Variants in USE1 observed in about 807,000 individuals in gnomAD.
The protein encoded by USE1 is vesicle transport protein USE1.
In USE1, 32 loss-of-function variants were observed where a neutral mutation model predicts 37.6. The observed-to-expected ratio is 0.85, with a 90% CI of 0.64 to 1.14. USE1 has a LOEUF of 1.14. USE1 is among the 50% of genes most tolerant of loss of function. USE1 has a pLI of 0.00. For synonymous variants in USE1, 149 were observed against 137.6 expected (o/e 1.08, Z -0.58); for missense variants, 310 against 332.2 (o/e 0.93, Z 0.52).
rs75601377 is a variant in USE1 at position 17,216,109 on chromosome 19, C to T, written c.231+39C>T. 4.0e-4 allele frequency: 645 copies of T among 1,613,510 alleles called. No homozygotes were observed. In the African/African-American group the frequency reaches 7.3e-3, roughly 18 times the overall value. The stretch of plus-strand genomic sequence containing the variant: ...CCCCTGCCCCCTCAGCCCCCATCAC[C>T]GCTCACTTTGGTCCCCAGGACCTGC... On this transcript the variant is annotated intron_variant, in intron 3 of 7. Coordinates refer to ENST00000263897, the MANE Select transcript of USE1 (RefSeq NM_018467.4).
intron 6 of USE1, 55 bp from the exon 7 acceptor site, chr19:17,219,158 T>A (rs2073309229): frequency 6.4e-7 from 1 of 1,550,440 alleles, no homozygotes; most frequent in Non-Finnish European, 8.7e-7. Flanking sequence ...GTGTTGGTCT[T>A]CTCCCCTTTC....
intron 5 of USE1, 119 bp from the exon 6 acceptor site, chr19:17,218,245 G>T: frequency 7.1e-7 from 1 of 1,410,500 alleles, no homozygotes; most frequent in Non-Finnish European, 9.8e-7. Context: ...AGCCAACGGG[G>T]CAGCAGACAA....
At chr19:17,217,285 C>G (rs1255088822) in intron 4 of USE1, among the ~76,000 whole-genome samples, 168 bp from the exon 5 acceptor site, 1 of 151,792 alleles carries the variant, frequency 6.6e-6, no homozygotes, top group East Asian at 2.0e-4. Flanking sequence ...ACAGGCACCC[C>G]CACCACACCT....
chr19:17,218,083 CA>C (rs1420528227), intron 5 of USE1: 2 of 400,634 alleles, frequency 5.0e-6, no homozygotes, highest in Non-Finnish European at 9.2e-6. Flanking sequence ...GACTCTGTCT[CA>C]AAAATAAGCA....
At position 17,219,679 on chromosome 19, in the gene USE1, AAGACGGAGTCAGAGC is replaced by A; in HGVS notation, c.647_661del (p.Lys216_Arg221delinsSer). The A allele has an allele frequency of 6.2e-7, 1 of 1,611,816 alleles. No homozygotes were observed. Among genetic ancestry groups the A allele is most frequent in the Non-Finnish European group, 8.5e-7 (1 of 1,178,288 alleles). ...GGCGGACCAGAACCTGGAGAAACTG[AAGACGGAGTCAGAGC>A]GTCTGGAGCAGCACACGCAGAAGTC... On this transcript the variant is annotated inframe_deletion, in exon 8 of 8. Transcript: ENST00000263897.
chr19:17,217,349 T>C (rs2073297081), intron 4 of USE1, 104 bp from the exon 5 acceptor site: 1 of 1,275,708 alleles, frequency 7.8e-7, no homozygotes, highest in Non-Finnish European at 1.1e-6. Context: ...TTGGCCAGGC[T>C]GGTCTCGAAC....
At chr19:17,217,624 C>T in intron 5 of USE1, 162 bp downstream of exon 5, 1 of 1,102,116 alleles carries the variant, frequency 9.1e-7, no homozygotes, top group Non-Finnish European at 1.3e-6. Context: ...AGGAAATGGC[C>T]CCGAGAGGAA....
Position 17,216,005 on chromosome 19 carries a change from G to T in USE1, c.166G>T (p.Glu56Ter). ...LKVHASKPASEVINEYSWKVD... is the reference protein window; with the variant it reads ...LKVHASKPAS ...CCTGCCTTCCAGCAAACCGGCCTCT[G>T]AGGTGATCAATGAATATTCCTGGAA... Residue 56 changes from glutamate to a stop codon, truncating the protein, a stop_gained, in exon 3 of 8, where the codon GAG becomes TAG. Coordinates refer to ENST00000263897, the MANE Select transcript of USE1 (RefSeq NM_018467.4). LOFTEE classifies it high-confidence loss of function. 2 of 1,606,622 alleles carry T rather than the reference G, an allele frequency of 1.2e-6. No homozygotes were observed. Among genetic ancestry groups the T allele is most frequent in the Non-Finnish European group, 1.7e-6 (2 of 1,176,600 alleles).
At position 17,216,027 on chromosome 19, in the gene USE1, G is replaced by T; in HGVS notation, c.188G>T (p.Trp63Leu). ...PASEVINEYS[W>L]KVDFLKGMLQ... is the part of the protein sequence containing the mutation. ...TCTGAGGTGATCAATGAATATTCCT[G>T]GAAGGTGGATTTTCTGAAGGGGATG... Residue 63 changes from tryptophan to leucine, a missense_variant, in exon 3 of 8, where the codon TGG becomes TTG. Trp to Leu is a moderately conservative substitution (Grantham distance 61, BLOSUM62 -2). Coordinates refer to ENST00000263897, the MANE Select transcript of USE1 (RefSeq NM_018467.4). 6.2e-7 allele frequency: 1 copy of T among 1,610,174 alleles called. No individual in the cohort carries two copies.
In USE1 at chr19:17,218,405, G is replaced by A; in HGVS notation, c.422+14G>A. 6.2e-7 allele frequency: 1 copy of A among 1,613,618 alleles called. No individual in the cohort carries two copies. Among genetic ancestry groups the A allele is most frequent in the Non-Finnish European group, 8.5e-7 (1 of 1,179,740 alleles). On this transcript the variant is annotated intron_variant, in intron 6 of 7. Coordinates refer to ENST00000263897, the MANE Select transcript of USE1 (RefSeq NM_018467.4). ...AAGGAAGAGAACGTGAGTGTCTGCG[G>A]CCCTGGGGCAGTAGTGGCAATTGGG...
Position 17,215,842 on chromosome 19 carries a change from T to C in USE1, c.143T>C (p.Val48Ala), listed in dbSNP as rs753499096. 1.2e-6 allele frequency: 2 copies of C among 1,608,744 alleles called. No individual in the cohort carries two copies. Among genetic ancestry groups the C allele is most frequent in the Non-Finnish European group, 1.7e-6 (2 of 1,178,072 alleles). Residue 48 changes from valine to alanine, a missense_variant, in exon 2 of 8, where the codon GTC becomes GCC. By Grantham distance (64) the Val-to-Ala change is moderately conservative. Transcript: ENST00000263897. The stretch of plus-strand genomic sequence containing the variant: ...GAGGACATGTTGCAGGCCCTGAAGG[T>C]CCACGCGAGGTGAGTGCAGGCAGCC... ...ALEDMLQALK[V>A]HASKPASEVI...
Position 17,219,734 on chromosome 19 carries a change from T to C in USE1, c.701T>C (p.Leu234Pro). 2 of 1,613,368 alleles carry C rather than the reference T, an allele frequency of 1.2e-6. No homozygotes were observed. The highest frequency in any genetic ancestry group is 1.7e-6 in the Non-Finnish European group (2 of 1,179,472). The change falls in exon 8 of 8, where the codon CTC becomes CCC. Residue 234 changes from leucine (L) to proline (P), a missense_variant. Leu to Pro is a moderately conservative substitution (Grantham distance 98, BLOSUM62 -3). Transcript: ENST00000263897. ...ACGCAGAAGTCAGTCAACTGGCTGC[T>C]CTGGGCCATGCTCATTATCGTCTGC... ...QHTQKSVNWLLWAMLIIVCFI... is the reference protein window; with the variant it reads ...QHTQKSVNWLPWAMLIIVCFI...
Position 17,217,663 on chromosome 19 carries a change from G to A in USE1, c.394+201G>A, listed in dbSNP as rs897893915. ...AAGCTAGGCACAGTGGCTCACACCT[G>A]TAATTTCGGAGGCTGAGGCAGGTGG... On this transcript the variant is annotated intron_variant, in intron 5 of 7. Coordinates refer to ENST00000263897, the MANE Select transcript of USE1 (RefSeq NM_018467.4). The A allele has an allele frequency of 5.3e-6, 4 of 754,660 alleles. No individual in the cohort carries two copies. The African/African-American group carries it at 7.0e-5, about 13-fold the overall frequency. The allele number at this position is 754,660 out of a possible 1,614,324, so 46.7% of individuals were successfully genotyped here. A position where few individuals can be genotyped will look rare whatever the true frequency, so the allele number is the denominator to read the frequency against.
Position 17,218,359 on chromosome 19 carries a change from T to G in USE1, c.395-5T>G. ...CCTTTTTTGCTTGGCCTGTTTTGCTTTCAGAGCCTGAGATGGACGTAAGGA... is the reference window on the plus strand; with the variant it reads ...CCTTTTTTGCTTGGCCTGTTTTGCTGTCAGAGCCTGAGATGGACGTAAGGA... On this transcript the variant is annotated splice_region_variant and splice_polypyrimidine_tract_variant and intron_variant, in intron 5 of 7. Coordinates refer to ENST00000263897, the MANE Select transcript of USE1 (RefSeq NM_018467.4). The G allele has an allele frequency of 6.2e-7, 1 of 1,613,502 alleles. No homozygotes were observed. Among genetic ancestry groups the G allele is most frequent in the Non-Finnish European group, 8.5e-7 (1 of 1,179,666 alleles).
Position 17,215,706 on chromosome 19 carries a change from CG to C in USE1, c.103-95del, listed in dbSNP as rs1314484387. 2.2e-5 allele frequency: 18 copies of C among 834,494 alleles called. No homozygotes were observed. The East Asian group carries it at 6.3e-4, about 29-fold the overall frequency. The allele number at this position is 834,494 out of a possible 1,614,324, so 51.7% of individuals were successfully genotyped here. ...TCCCCCACTGGCCCCGCCTCCTTTA[CG>C]CTTGACCCCTCCCATTTGTCGGCCC... On this transcript the variant is annotated intron_variant, in intron 1 of 7. Coordinates refer to ENST00000263897, the MANE Select transcript of USE1 (RefSeq NM_018467.4).
rs1226688784 is a variant in USE1, at chr19:17,216,246, GC to G, written c.312del (p.Ala105ProfsTer22). On this transcript the variant is annotated frameshift_variant, in exon 4 of 8. Transcript: ENST00000263897. LOFTEE classifies it high-confidence loss of function. ...RVPTTARERV[P>X]ATKTVHLQSR... Reference sequence around the variant, plus strand: ...TGCCAACCACAGCCAGAGAGCGAGTGCCCGCCACAAAGACGGTGCATCTGCA... The same window carrying G: ...TGCCAACCACAGCCAGAGAGCGAGTGCCGCCACAAAGACGGTGCATCTGCA... The G allele has an allele frequency of 1.9e-6, 3 of 1,612,494 alleles. No homozygotes were observed. Among genetic ancestry groups the G allele is most frequent in the Non-Finnish European group, 2.5e-6 (3 of 1,179,852 alleles).
intron 4 of USE1, 139 bp from the exon 5 acceptor site, chr19:17,217,314 T>G: frequency 1.1e-6 from 1 of 949,242 alleles, no homozygotes; most frequent in Non-Finnish European, 1.6e-6. Context: ...TTTTGTATTT[T>G]TAGTAGAGAT....
chr19:17,216,257 A>G lies in USE1; in HGVS notation c.320A>G (p.Lys107Arg). The G allele has an allele frequency of 6.2e-7, 1 of 1,613,178 alleles. No individual in the cohort carries two copies. Among genetic ancestry groups the G allele is most frequent in the Non-Finnish European group, 8.5e-7 (1 of 1,179,844 alleles). ...TTARERVPAT[K>R]TVHLQSRARY... ...GCCAGAGAGCGAGTGCCCGCCACAA[A>G]GACGGTGCATCTGCAGTCACGGGCG... The change falls in exon 4 of 8, where the codon AAG becomes AGG. Residue 107 changes from lysine to arginine, a missense_variant. By Grantham distance (26) the Lys-to-Arg change is conservative. Transcript: ENST00000263897.
intron 5 of USE1, chr19:17,217,710 G>T (rs1467397114): frequency 1.8e-6 from 1 of 546,210 alleles, no homozygotes; most frequent in Non-Finnish European, 3.5e-6. Flanking sequence ...TCAGGAGTTT[G>T]AGACCAACCT....
Sources: allele counts gnomAD v4.1 joint callset (sites outside exome capture counted in the v4.1 genomes callset), GRCh38; gene constraint gnomAD v4.1.1; transcripts MANE v1.5; gene names NCBI Gene and HGNC (gene_info 2026-07-23, HGNC 2026-07-21).